Variants in CEP85L observed in about 807,000 individuals in gnomAD.
CEP85L encodes centrosomal protein of 85 kDa-like.
CEP85L carries 60 observed loss-of-function variants against 100.3 expected under a neutral mutation model. The observed-to-expected ratio is 0.60, with a 90% CI of 0.49 to 0.74. CEP85L has a LOEUF of 0.74. Ranked by LOEUF, CEP85L falls within the 30% of genes least tolerant of loss-of-function variation. CEP85L has a pLI of 0.00. For missense variants in CEP85L, 973 were observed against 936.2 expected, an observed-to-expected ratio of 1.04 and a Z score of -0.51; for synonymous variants, 319 against 322.7, an observed-to-expected ratio of 0.99 and a Z score of 0.12.
intron 3 of CEP85L, chr6:118,537,798 T>C: frequency 5.1e-6 from 5 of 985,362 alleles, no homozygotes; most frequent in Non-Finnish European, 6.0e-6. Flanking sequence ...TTCTTCAAGT[T>C]TGTTATCTCT....
At chr6:118,488,525 C>G (rs1079936) in intron 6 of CEP85L, among the ~76,000 whole-genome samples, 1,701 of 151,900 alleles carry the variant, frequency 0.011, 42 homozygotes, top group African/African-American at 0.039. Context: ...GTAAAGAAAG[C>G]TTGAGAAACT....
chr6:118,633,593 TTAAC>T (rs1325930615), intron 1 of CEP85L, among the ~76,000 whole-genome samples: 10 of 152,220 alleles, frequency 6.6e-5, no homozygotes, highest in African/African-American at 2.4e-4. Flanking sequence ...TCACTTTTAC[TTAAC>T]TTTTATTTGA....
chr6:118,493,406 A>G (rs1774701871), intron 5 of CEP85L, among the ~76,000 whole-genome samples: 1 of 152,178 alleles, frequency 6.6e-6, no homozygotes, highest in Non-Finnish European at 1.5e-5. Flanking sequence ...CTAGACTCTG[A>G]GCAAGTCTGA....
chr6:118,465,523 T>G lies in CEP85L; in HGVS notation c.2300A>C (p.Glu767Ala), dbSNP rs1772447747. The change falls in exon 13 of 13, where the codon GAA (glutamate) becomes GCA (alanine). Residue 767 changes from glutamate (E) to alanine (A), a missense_variant. Around this residue, in one of 3 missense-constraint regions of CEP85L, gnomAD observed 890 missense variants for 844.5 expected, o/e 1.05. Transcript: ENST00000368491. The part of the protein sequence containing the change: ...AEETENDHST[E>A]TLTKKLSDVC... ...ATCTGACAGCTTTTTAGTGAGTGTTTCTGTGCTGTGGTCATTCTCAGTCTC... is the reference window on the plus strand; with the variant it reads ...ATCTGACAGCTTTTTAGTGAGTGTTGCTGTGCTGTGGTCATTCTCAGTCTC... 1.2e-6 allele frequency: 2 copies of G among 1,613,668 alleles called. No homozygotes were observed.
chr6:118,486,432 CT>C, intron 6 of CEP85L, among the ~76,000 whole-genome samples: 1 of 152,174 alleles, frequency 6.6e-6, no homozygotes, highest in East Asian at 1.9e-4. Flanking sequence ...TCTTTATTAT[CT>C]GGCTTTTATA....
chr6:118,502,059 C>T, intron 5 of CEP85L: 1 of 848,634 alleles, frequency 1.2e-6, no homozygotes, highest in South Asian at 1.5e-5. Context: ...TGGGACTTCC[C>T]CATCCTGTGG....
intron 1 of CEP85L, among the ~76,000 whole-genome samples, chr6:118,677,159 C>T (rs1776510060): frequency 6.6e-6 from 1 of 151,946 alleles, no homozygotes; most frequent in Non-Finnish European, 1.5e-5. Context: ...CTTTGGGACT[C>T]AAGTTCCTCA....
intron 9 of CEP85L, 23 bp from the exon 10 acceptor site, chr6:118,479,944 G>A (rs868687924): frequency 8.1e-7 from 1 of 1,235,942 alleles, no homozygotes; most frequent in Non-Finnish European, 1.1e-6. Context: ...AAATACATCT[G>A]ATTCAAATAA....
At chr6:118,473,499 G>A (rs1444603865) in intron 10 of CEP85L, among the ~76,000 whole-genome samples, 2 of 151,914 alleles carry the variant, frequency 1.3e-5, no homozygotes, top group African/African-American at 4.8e-5. Context: ...AGAGAAGGAA[G>A]ACAGCATGCA....
chr6:118,632,499 G>A lies in CEP85L; in HGVS notation c.186C>T (p.Asp62=). Residue 62 remains aspartate (D), a synonymous_variant, in exon 2 of 13, where the codon GAC becomes GAT. Coordinates refer to ENST00000368491, the MANE Select transcript of CEP85L (RefSeq NM_001042475.3). Reference sequence around the variant, plus strand: ...AAGTTCCAATGCCAGTGTCTCCACTGTCAGAAGCTATACTGTGTCTCCTGA... The same window carrying A: ...AAGTTCCAATGCCAGTGTCTCCACTATCAGAAGCTATACTGTGTCTCCTGA... ...NHIRRHSIAS[D]SGDTGIGTSC... 6.2e-7 allele frequency: 1 copy of A among 1,612,238 alleles called. No individual in the cohort carries two copies. The highest frequency in any genetic ancestry group is 8.5e-7 in the Non-Finnish European group (1 of 1,179,120).
chr6:118,696,065 G>T (rs1777199388), intron 1 of CEP85L, among the ~76,000 whole-genome samples: 1 of 152,276 alleles, frequency 6.6e-6, no homozygotes, highest in South Asian at 2.1e-4. Flanking sequence ...GAGGTCACGA[G>T]TTCGAGACCA....
chr6:118,563,392 T>C (rs998257900), intron 3 of CEP85L, among the ~76,000 whole-genome samples: 5 of 152,146 alleles, frequency 3.3e-5, no homozygotes, highest in African/African-American at 1.2e-4. Flanking sequence ...TGAGATAAAA[T>C]ACTGTGAAAG....
At chr6:118,692,200 G>C (rs1030695143) in intron 1 of CEP85L, among the ~76,000 whole-genome samples, 2 of 152,106 alleles carry the variant, frequency 1.3e-5, no homozygotes, top group Non-Finnish European at 2.9e-5. Context: ...CCCTGCAATG[G>C]GTTAAAAACT....
rs532300726 is a variant in CEP85L, at chr6:118,544,713, C to T, written c.1021-20793G>A. ...TGAAAAAATAAAATGTTTGGGTCTC[C>T]AGGTTATCTGGCAAATCAAGTGAAA... On this transcript the variant is annotated intron_variant, in intron 3 of 12. Transcript: ENST00000368491. 1.1e-3 allele frequency among the ~76,000 whole-genome samples: 170 copies of T among 152,204 alleles called. 1 individual carries two copies. Among genetic ancestry groups the T allele is most frequent in the African/African-American group, 3.9e-3 (161 of 41,522 alleles).
chr6:118,531,894 T>C lies in CEP85L; in HGVS notation c.1021-7974A>G, dbSNP rs550508270. Among the ~76,000 whole-genome samples the C allele has an allele frequency of 7.2e-5, 11 of 152,262 alleles. No homozygotes were observed. The South Asian group carries it at 8.3e-4, about 11-fold the overall frequency. On this transcript the variant is annotated intron_variant, in intron 3 of 12. Transcript: ENST00000368491. The stretch of plus-strand genomic sequence containing the variant: ...GGTTGCAGAGAAAAGGGAACACTTA[T>C]ACAGTGTTGGCAGGATAAATTAGTT...
chr6:118,690,698 C>T (rs1416951547), intron 1 of CEP85L, among the ~76,000 whole-genome samples: 4 of 152,178 alleles, frequency 2.6e-5, no homozygotes, highest in Non-Finnish European at 5.9e-5. Flanking sequence ...AAAATTGACT[C>T]AGTAGAAAGA....
At chr6:118,647,506 C>T (rs1380046696) in intron 1 of CEP85L, among the ~76,000 whole-genome samples, 1 of 152,048 alleles carries the variant, frequency 6.6e-6, no homozygotes, top group East Asian at 1.9e-4. Context: ...GGATTACAGG[C>T]GCACGCCACC....
chr6:118,613,671 C>T (rs996357482), intron 2 of CEP85L, among the ~76,000 whole-genome samples: 1 of 148,238 alleles, frequency 6.7e-6, no homozygotes, highest in African/African-American at 2.5e-5. Context: ...GAAGGAGAAT[C>T]GCTTGAACCC....
intron 1 of CEP85L, among the ~76,000 whole-genome samples, chr6:118,668,404 T>C (rs1776196546): frequency 6.6e-6 from 1 of 152,204 alleles, no homozygotes; most frequent in African/African-American, 2.4e-5. Context: ...TTCAAATGGA[T>C]AGAGATGCTC....
Sources: allele counts gnomAD v4.1 joint callset (sites outside exome capture counted in the v4.1 genomes callset), GRCh38; gene constraint gnomAD v4.1.1; regional missense constraint gnomAD v4.1.1; transcripts MANE v1.5; gene names NCBI Gene and HGNC (gene_info 2026-07-23, HGNC 2026-07-21).